DPYD: variants seen among roughly 807,000 people sequenced by gnomAD.
DPYD encodes dihydropyrimidine dehydrogenase [NADP(+)].
A neutral mutation model predicts 116.2 loss-of-function variants in DPYD; 109 were observed. The observed-to-expected ratio is 0.94, with a 90% CI of 0.80 to 1.10. The LOEUF (loss-of-function observed/expected upper bound fraction) is 1.10. Ranked by LOEUF, DPYD falls within the 50% of genes least tolerant of loss-of-function variation. The probability of loss-of-function intolerance (pLI) is 0.00; values close to 1 mark genes in which losing one functional copy is unlikely to be tolerated. For missense variants in DPYD, 1,302 were observed against 1,254.5 expected (o/e 1.04, Z -0.57); for synonymous variants, 440 against 432.0 (o/e 1.02, Z -0.23).
intron 8 of DPYD, among the ~76,000 whole-genome samples, chr1:97,671,121 C>T (rs563367809): frequency 1.4e-4 from 21 of 151,638 alleles, no homozygotes; most frequent in Non-Finnish European, 2.5e-4. Flanking sequence ...TTAAAATAAC[C>T]TTAGTGATTA....
At chr1:97,572,347 T>C (rs1165523693) in intron 11 of DPYD, among the ~76,000 whole-genome samples, 1 of 151,894 alleles carries the variant, frequency 6.6e-6, no homozygotes, top group African/African-American at 2.4e-5. Context: ...AGCACAAGCT[T>C]ATAAAATCGT....
chr1:97,762,946 T>A, intron 3 of DPYD, among the ~76,000 whole-genome samples: 1 of 152,074 alleles, frequency 6.6e-6, no homozygotes, highest in African/African-American at 2.4e-5. Context: ...TTAAGTGGCA[T>A]AAAAAGCTCC....
At chr1:97,420,325 G>A (rs1163233571) in intron 14 of DPYD, among the ~76,000 whole-genome samples, 1 of 152,144 alleles carries the variant, frequency 6.6e-6, no homozygotes, top group Admixed American at 6.5e-5. Context: ...TGAAGACATG[G>A]AGAACACTTC....
chr1:97,505,149 A>C (rs868803003), intron 13 of DPYD, among the ~76,000 whole-genome samples: 42 of 152,196 alleles, frequency 2.8e-4, no homozygotes, highest in African/African-American at 9.9e-4. Flanking sequence ...AGTTTGTATG[A>C]GGAGAGAAGT....
At chr1:97,755,591 T>C (rs572560121) in intron 3 of DPYD, among the ~76,000 whole-genome samples, 1 of 152,254 alleles carries the variant, frequency 6.6e-6, no homozygotes, top group Non-Finnish European at 1.5e-5. Context: ...AAACAAATCA[T>C]CCCTTCTTTC....
At chr1:97,497,691 G>A (rs1178082253) in intron 13 of DPYD, among the ~76,000 whole-genome samples, 1 of 151,780 alleles carries the variant, frequency 6.6e-6, no homozygotes, top group African/African-American at 2.4e-5. Context: ...CAATGTTGGC[G>A]AGTATGTGAA....
chr1:97,691,705 T>G lies in DPYD; in HGVS notation c.762+12A>C. 1 of 1,612,112 alleles carries G rather than the reference T, an allele frequency of 6.2e-7. No homozygotes were observed. The highest frequency in any genetic ancestry group is 8.5e-7 in the Non-Finnish European group (1 of 1,178,336). ...TTTGAGCAGTACACAGATAGGTGTT[T>G]TTTTCATTTACCTTTACACCAAGGT... On this transcript the variant is annotated intron_variant, in intron 7 of 22. Coordinates refer to ENST00000370192, the MANE Select transcript of DPYD (RefSeq NM_000110.4).
intron 3 of DPYD, among the ~76,000 whole-genome samples, chr1:97,751,530 T>C (rs1356925345): frequency 7.6e-6 from 1 of 131,232 alleles, no homozygotes; most frequent in East Asian, 2.5e-4. Context: ...GTAACCTCAA[T>C]GCTTTGGGAG....
At chr1:97,831,735 A>T (rs936753754) in intron 2 of DPYD, among the ~76,000 whole-genome samples, 6 of 151,922 alleles carry the variant, frequency 3.9e-5, no homozygotes, top group Non-Finnish European at 8.8e-5. Context: ...AAAAAGAGAA[A>T]AGGGGACAGA....
At chr1:97,429,175 T>G (rs1675036011) in intron 14 of DPYD, among the ~76,000 whole-genome samples, 1 of 152,076 alleles carries the variant, frequency 6.6e-6, no homozygotes, top group Admixed American at 6.5e-5. Context: ...CAGGGTAACC[T>G]GATATACATC....
rs778577478 is a variant in DPYD, at chr1:97,333,517, A to ATTTTTTTTTTTT, written c.2059-27232_2059-27221dup. ...CCGGCCCCAATTGCTAAGTCTTAGGATTTTTTTTTTTTTTTTTTTTTGAGA... is the reference window on the plus strand; with the variant it reads ...CCGGCCCCAATTGCTAAGTCTTAGGATTTTTTTTTTTTTTTTTTTTTTTTTTTTTTTTTGAGA... On this transcript the variant is annotated intron_variant, in intron 16 of 22. Transcript: ENST00000370192. Among the ~76,000 whole-genome samples, 74 of 97,040 alleles carry ATTTTTTTTTTTT rather than the reference A, an allele frequency of 7.6e-4. 2 individuals are homozygous for ATTTTTTTTTTTT. The highest frequency in any genetic ancestry group is 1.3e-3 in the African/African-American group (31 of 23,758). The allele number at this position is 97,040 out of a possible 152,430, so 63.7% of individuals were successfully genotyped here. A position where few individuals can be genotyped will look rare whatever the true frequency, so the allele number is the denominator to read the frequency against.
At chr1:97,117,480 C>A (rs999073227) in intron 20 of DPYD, among the ~76,000 whole-genome samples, 6 of 152,180 alleles carry the variant, frequency 3.9e-5, no homozygotes, top group Non-Finnish European at 8.8e-5. Flanking sequence ...TGTACTAATT[C>A]AACCTATTTC....
intron 19 of DPYD, among the ~76,000 whole-genome samples, chr1:97,209,859 C>A (rs916732589): frequency 1.3e-5 from 2 of 152,120 alleles, no homozygotes; most frequent in African/African-American, 2.4e-5. Flanking sequence ...TATCTTCTTT[C>A]GTCTTACAAA....
intron 2 of DPYD, among the ~76,000 whole-genome samples, chr1:97,845,967 C>A (rs1670280199): frequency 6.6e-6 from 1 of 152,230 alleles, no homozygotes; most frequent in Non-Finnish European, 1.5e-5. Context: ...CAGCAAGCAT[C>A]CCTGGCTGTG....
intron 14 of DPYD, among the ~76,000 whole-genome samples, chr1:97,411,563 A>G (rs916981700): frequency 1.3e-5 from 2 of 152,232 alleles, no homozygotes; most frequent in African/African-American, 2.4e-5. Context: ...CTCACTACTT[A>G]GGATAATGAT....
chr1:97,482,802 T>C (rs1398451095), intron 13 of DPYD, among the ~76,000 whole-genome samples: 1 of 152,126 alleles, frequency 6.6e-6, no homozygotes, highest in Non-Finnish European at 1.5e-5. Context: ...CTTCCTATGA[T>C]GGAAGCTAAG....
intron 8 of DPYD, among the ~76,000 whole-genome samples, chr1:97,629,341 G>C (rs1657117388): frequency 6.6e-6 from 1 of 151,978 alleles, no homozygotes. Flanking sequence ...AGTGAAACAG[G>C]AAACAAAATA....
rs182225160 is a variant in DPYD, at chr1:97,639,109, T to C, written c.850+39986A>G. Among the ~76,000 whole-genome samples, 259 of 152,276 alleles carry C rather than the reference T, an allele frequency of 1.7e-3. 2 individuals are homozygous for C. Among genetic ancestry groups the C allele is most frequent in the African/African-American group, 5.8e-3 (243 of 41,578 alleles). ...TAGGCAGTTGATGAGGCAGAAGATA[T>C]ACAGACACTGGGTTGCATTCAACCA... On this transcript the variant is annotated intron_variant, in intron 8 of 22. Coordinates refer to ENST00000370192, the MANE Select transcript of DPYD (RefSeq NM_000110.4).
intron 18 of DPYD, among the ~76,000 whole-genome samples, chr1:97,282,420 G>C (rs1032718569): frequency 6.6e-6 from 1 of 151,432 alleles, no homozygotes; most frequent in African/African-American, 2.4e-5. Flanking sequence ...TTTCAGAGAT[G>C]CAGAGGTTGT....
Sources: gnomAD v4.1 joint callset for allele counts (sites outside exome capture counted in the v4.1 genomes callset) on GRCh38, gnomAD v4.1.1 for gene constraint, MANE v1.5 for transcripts, NCBI Gene and HGNC (gene_info 2026-07-23, HGNC 2026-07-21) for gene names.